Variants in TAF4B observed in about 807,000 individuals in gnomAD.
TAF4B encodes TATA-box binding protein associated factor 4b.
In TAF4B, 38 loss-of-function variants were observed where a neutral mutation model predicts 86.4. That is an observed-to-expected ratio of 0.44 (90% confidence interval 0.34 to 0.58). The LOEUF is 0.58. Among genes scored for constraint, TAF4B ranks in the 20% least tolerant of loss-of-function variants. The probability of loss-of-function intolerance (pLI) is 0.02; values close to 1 mark genes in which losing one functional copy is unlikely to be tolerated. For missense variants in TAF4B, 988 were observed against 1,027.6 expected (o/e 0.96, Z 0.53); for synonymous variants, 388 against 391.2 (o/e 0.99, Z 0.10).
chr18:26,287,018 C>T (rs1428133643), intron 7 of TAF4B, among the ~76,000 whole-genome samples: 3 of 152,154 alleles, frequency 2.0e-5, no homozygotes, highest in African/African-American at 7.2e-5. Context: ...TTTACTGAAC[C>T]ACCTGAGAGT....
At chr18:26,291,634 G>C (rs2056594400) in intron 7 of TAF4B, among the ~76,000 whole-genome samples, 1 of 149,496 alleles carries the variant, frequency 6.7e-6, no homozygotes, top group Admixed American at 6.7e-5. Flanking sequence ...TTGAACCTGG[G>C]AGGCAGAGGT....
intron 9 of TAF4B, 37 bp from the exon 10 acceptor site, chr18:26,315,192 C>CACACACACACACA: frequency 3.8e-6 from 5 of 1,333,252 alleles, no homozygotes; most frequent in Non-Finnish European, 5.0e-6. Flanking sequence ...CACACACACA[C>CACACACACACACA]AACCTAAAAT....
Position 26,278,615 on chromosome 18 carries a change from TG to T in TAF4B, c.883-3355del, listed in dbSNP as rs1361547564. On this transcript the variant is annotated intron_variant, in intron 5 of 14. Coordinates refer to ENST00000269142, the MANE Select transcript of TAF4B (RefSeq NM_005640.3). Reference sequence around the variant, plus strand: ...TGAGCCACTGTGCTTGGCCTTCTGTTGTTTTTTTTTTTTTTTTCTCCAAGCA... The same window carrying T: ...TGAGCCACTGTGCTTGGCCTTCTGTTTTTTTTTTTTTTTTTTCTCCAAGCA... Among the ~76,000 whole-genome samples, 69 of 56,386 alleles carry T rather than the reference TG, an allele frequency of 1.2e-3. 1 individual carries two copies. In the South Asian group the frequency reaches 0.036, roughly 30 times the overall value. The allele number at this position is 56,386 out of a possible 152,430, so 37.0% of individuals were successfully genotyped here.
At chr18:26,312,144 A>G (rs2056859707) in intron 9 of TAF4B, among the ~76,000 whole-genome samples, 1 of 152,224 alleles carries the variant, frequency 6.6e-6, no homozygotes, top group Non-Finnish European at 1.5e-5. Flanking sequence ...AAGACACCGC[A>G]TCAGACCAGA....
rs1181448953 is a variant in TAF4B, at chr18:26,288,984, TGTTA to T, written c.1590+2488_1590+2491del. 6.6e-5 allele frequency among the ~76,000 whole-genome samples: 10 copies of T among 152,238 alleles called. 1 individual carries two copies. On this transcript the variant is annotated intron_variant, in intron 7 of 14. Coordinates refer to ENST00000269142, the MANE Select transcript of TAF4B (RefSeq NM_005640.3). ...TTTCAAGTTTAGCCAGTAAATTTGA[TGTTA>T]GTATTTACACCTACCTGTTTAAAGT...
At position 26,274,523 on chromosome 18, in the gene TAF4B, G is replaced by A. The variant is rs1484584329; in HGVS notation, c.598-140G>A. On this transcript the variant is annotated intron_variant, in intron 3 of 14. Transcript: ENST00000269142. ...GCTAGACTCAAGAGTTCCTAGAACT[G>A]TATTATATTGCCTTAGACTACTAGA... The A allele has an allele frequency of 8.2e-6, 7 of 858,844 alleles. No individual in the cohort carries two copies. The Admixed American group carries it at 1.1e-4, about 13-fold the overall frequency. 53.2% of individuals were successfully genotyped at this position (858,844 alleles called of 1,614,324 possible). A position where few individuals can be genotyped will look rare whatever the true frequency, so the allele number is the denominator to read the frequency against.
intron 13 of TAF4B, among the ~76,000 whole-genome samples, chr18:26,337,045 A>G (rs2057097693): frequency 6.6e-6 from 1 of 152,220 alleles, no homozygotes; most frequent in Non-Finnish European, 1.5e-5. Context: ...GTTAATGAGA[A>G]CAGGTGGTAG....
At position 26,340,215 on chromosome 18, in the gene TAF4B, A is replaced by G. The variant is rs554454915; in HGVS notation, c.2316+4984A>G. 1.2e-4 allele frequency among the ~76,000 whole-genome samples: 18 copies of G among 152,368 alleles called. No homozygotes were observed. In the East Asian group the frequency reaches 2.3e-3, roughly 20 times the overall value. ...TGTACAAGAAATAAAATACTGAATC[A>G]TAAGGCTCATTACTGATTAGAAAAT... On this transcript the variant is annotated intron_variant, in intron 13 of 14. Coordinates refer to ENST00000269142, the MANE Select transcript of TAF4B (RefSeq NM_005640.3).
chr18:26,345,089 C>A (rs566787484), intron 13 of TAF4B, among the ~76,000 whole-genome samples: 1 of 152,284 alleles, frequency 6.6e-6, no homozygotes, highest in African/African-American at 2.4e-5. Context: ...GCTGCATTGC[C>A]CTGGATTAGG....
At chr18:26,281,887 A>G (rs1353183114) in intron 5 of TAF4B, 84 bp from the exon 6 acceptor site, 11 of 979,662 alleles carry the variant, frequency 1.1e-5, no homozygotes, top group Non-Finnish European at 1.7e-5. Flanking sequence ...AAAGTTTGCT[A>G]TGTCTACAAT....
At chr18:26,286,585 TAAGGC>T in intron 7 of TAF4B, 86 bp downstream of exon 7, 1 of 1,402,472 alleles carries the variant, frequency 7.1e-7, no homozygotes, top group East Asian at 2.3e-5. Flanking sequence ...AGAAAACTAG[TAAGGC>T]TATATACTGT....
intron 1 of TAF4B, among the ~76,000 whole-genome samples, chr18:26,236,900 G>A (rs1309883436): frequency 2.0e-5 from 3 of 151,972 alleles, no homozygotes; most frequent in African/African-American, 7.3e-5. Flanking sequence ...TATCTTTGAG[G>A]ATCAATTAAC....
chr18:26,263,879 G>A (rs2056203173), intron 1 of TAF4B, among the ~76,000 whole-genome samples: 1 of 152,084 alleles, frequency 6.6e-6, no homozygotes, highest in African/African-American at 2.4e-5. Context: ...CATGCAGAAA[G>A]ATAATTTTCT....
intron 1 of TAF4B, among the ~76,000 whole-genome samples, chr18:26,246,351 A>G (rs1477253557): frequency 6.6e-6 from 1 of 152,182 alleles, no homozygotes; most frequent in Non-Finnish European, 1.5e-5. Flanking sequence ...GTCCGAGACC[A>G]CAGAATAAGG....
intron 14 of TAF4B, among the ~76,000 whole-genome samples, chr18:26,375,893 G>C (rs1054193550): frequency 5.9e-5 from 9 of 152,066 alleles, no homozygotes; most frequent in African/African-American, 1.9e-4. Flanking sequence ...ATGGCGTCAG[G>C]TAGGGGCCCA....
At chr18:26,379,005 T>G (rs1319697519) in intron 14 of TAF4B, among the ~76,000 whole-genome samples, 1 of 152,162 alleles carries the variant, frequency 6.6e-6, no homozygotes, top group African/African-American at 2.4e-5. Context: ...TAAAGCTACA[T>G]TCTTGTAAAA....
Position 26,390,198 on chromosome 18 carries a change from T to C in TAF4B, c.*186T>C. The stretch of plus-strand genomic sequence containing the variant: ...TGGGACTCTTACAGACTCAGATTCA[T>C]CTTTGTCTTCTGAAAATCAGTTATG... On this transcript the variant is annotated 3_prime_UTR_variant, in exon 15 of 15. Coordinates refer to ENST00000269142, the MANE Select transcript of TAF4B (RefSeq NM_005640.3). The C allele has an allele frequency of 1.9e-6, 1 of 518,144 alleles. No individual in the cohort carries two copies. Among genetic ancestry groups the C allele is most frequent in the Non-Finnish European group, 3.3e-6 (1 of 305,798 alleles). The allele number at this position is 518,144 out of a possible 1,614,324, so 32.1% of individuals were successfully genotyped here.
chr18:26,278,469 T>G (rs921315800), intron 5 of TAF4B, among the ~76,000 whole-genome samples: 20 of 152,030 alleles, frequency 1.3e-4, no homozygotes, highest in African/African-American at 4.8e-4. Context: ...CATGCCCAGC[T>G]AGTTTTAAAA....
intron 6 of TAF4B, 108 bp downstream of exon 6, chr18:26,282,168 A>G: frequency 1.1e-6 from 1 of 890,754 alleles, no homozygotes; most frequent in Non-Finnish European, 1.8e-6. Context: ...AGATACTGAC[A>G]GTGTGGGAGA....
Sources: allele counts gnomAD v4.1 joint callset (sites outside exome capture counted in the v4.1 genomes callset), GRCh38; gene constraint gnomAD v4.1.1; transcripts MANE v1.5; gene names NCBI Gene and HGNC (gene_info 2026-07-23, HGNC 2026-07-21).